The following SH3BP2 variants were observed in gnomAD, a reference collection of about 807,000 sequenced individuals.
SH3BP2 encodes the protein SH3 domain-binding protein 2.
A neutral mutation model predicts 56.2 loss-of-function variants in SH3BP2; 38 were observed. The ratio of observed to expected loss-of-function variants is 0.68; its 90% CI spans 0.52 to 0.89. The LOEUF is 0.89. SH3BP2 is among the 40% of genes least tolerant of loss of function. The pLI is 0.00. For missense variants in SH3BP2, 748 were observed against 762.6 expected (o/e 0.98, Z 0.23); for synonymous variants, 346 against 316.7 (o/e 1.09, Z -0.98).
In SH3BP2 at chr4:2,829,945, T is replaced by C. The variant is rs1274772239; in HGVS notation, c.1039T>C (p.Ser347Pro). The part of the protein sequence containing the change: ...FHLSPRGPPT[S>P]EPPPVPANKP... ...CCTGTCCCCCCGAGGACCACCCACA[T>C]CTGAGCCCCCACCTGTGCCAGCCAA... The change falls in exon 8 of 13, where the codon TCT becomes CCT. Residue 347 changes from serine to proline, a missense_variant. Physicochemically the swap from Ser to Pro is moderately conservative, Grantham distance 74. Coordinates refer to ENST00000503393, the MANE Select transcript of SH3BP2 (RefSeq NM_001122681.2). The surrounding 1 kb of genome is among the most constrained non-coding windows in gnomAD (Gnocchi z 4.9). 1.9e-6 allele frequency: 3 copies of C among 1,613,000 alleles called. No homozygotes were observed. The highest frequency in any genetic ancestry group is 1.7e-5 in the Admixed American group (1 of 60,004).
intron 11 of SH3BP2, 71 bp downstream of exon 11, chr4:2,832,483 G>A (rs1725044397): frequency 8.5e-7 from 1 of 1,178,290 alleles, no homozygotes; most frequent in Non-Finnish European, 1.3e-6. Flanking sequence ...GTGGGCCCAG[G>A]ACTCCACAGT....
At chr4:2,808,246 T>G (rs1723615658) in intron 1 of SH3BP2, among the ~76,000 whole-genome samples, 2 of 152,160 alleles carry the variant, frequency 1.3e-5, no homozygotes, top group African/African-American at 4.8e-5. Context: ...GCCCTTGGTG[T>G]GTGGCCACAT....
At chr4:2,833,372 C>T (rs964848961) in intron 12 of SH3BP2, 3 of 572,148 alleles carry the variant, frequency 5.2e-6, no homozygotes, top group African/African-American at 3.7e-5. Context: ...TTCTGGGGCT[C>T]AAGCAATCCT....
chr4:2,829,901 A>T lies in SH3BP2; in HGVS notation c.995A>T (p.Asp332Val). 1.2e-6 allele frequency: 2 copies of T among 1,613,858 alleles called. No homozygotes were observed. Among genetic ancestry groups the T allele is most frequent in the Non-Finnish European group, 8.5e-7 (1 of 1,180,012 alleles). The change falls in exon 8 of 13, where the codon GAC becomes GTC. Residue 332 changes from aspartate to valine, a missense_variant. Asp to Val is a radical substitution (Grantham distance 152, BLOSUM62 -3). Transcript: ENST00000503393. This position sits in a 1 kb window ranked among gnomAD's most constrained non-coding sequence, Gnocchi z 4.9. ...IMATATSRNC[D>V]KLKSFHLSPR... ...GCCACTGCCACCTCCAGAAACTGTG[A>T]CAAACTCAAGTCCTTCCACCTGTCC...
rs547957534 is a variant in SH3BP2 at position 2,829,800 on chromosome 4, G to A, written c.894G>A (p.Arg298=). ...GCCTCCGGAAACCCCCTTGCTTCCG[G>A]GAGAGTGCCAGCCCCAGCCCGGAGC... The part of the protein sequence containing the change: ...APGLRKPPCF[R]ESASPSPEPW... Residue 298 remains arginine (R), a synonymous_variant, in exon 8 of 13, where the codon CGG becomes CGA. Transcript: ENST00000503393. This position sits in a 1 kb window ranked among gnomAD's most constrained non-coding sequence, Gnocchi z 4.9. 43 of 1,613,214 alleles carry A rather than the reference G, an allele frequency of 2.7e-5. No individual in the cohort carries two copies. The South Asian group carries it at 4.0e-4, about 15-fold the overall frequency.
In SH3BP2 at chr4:2,810,779, G is replaced by GC. The variant is rs1723716501; in HGVS notation, c.-4-9831dup. On this transcript the variant is annotated intron_variant, in intron 1 of 12. Coordinates refer to ENST00000503393, the MANE Select transcript of SH3BP2 (RefSeq NM_001122681.2). This position sits in a 1 kb window ranked among gnomAD's most constrained non-coding sequence, Gnocchi z 4.2. Reference sequence around the variant, plus strand: ...CCTGGTCCCTCCTCTGGACCCTGCAGCCCCAACTGTCAGAACTGCCTGCCT... The same window carrying GC: ...CCTGGTCCCTCCTCTGGACCCTGCAGCCCCCAACTGTCAGAACTGCCTGCCT... Among the ~76,000 whole-genome samples the GC allele has an allele frequency of 6.6e-6, 1 of 152,302 alleles. No homozygotes were observed. Among genetic ancestry groups the GC allele is most frequent in the Middle Eastern group, 3.4e-3 (1 of 294 alleles).
At chr4:2,826,319 C>T (rs1164059284) in intron 5 of SH3BP2, 2 of 103,096 alleles carry the variant, frequency 1.9e-5, no homozygotes, top group African/African-American at 4.3e-5. Flanking sequence ...GTGCAATGTC[C>T]ACGTGTTGCT....
chr4:2,833,840 G>C lies in SH3BP2; in HGVS notation c.*6G>C. On this transcript the variant is annotated 3_prime_UTR_variant, in exon 13 of 13. Transcript: ENST00000503393. Reference sequence around the variant, plus strand: ...GCTACACTGGGCCTAGGTGATGGCAGTCCATGTGGCTGCCAGGCCAAGGCA... The same window carrying C: ...GCTACACTGGGCCTAGGTGATGGCACTCCATGTGGCTGCCAGGCCAAGGCA... 5.8e-6 allele frequency: 9 copies of C among 1,560,902 alleles called. No individual in the cohort carries two copies. Among genetic ancestry groups the C allele is most frequent in the Non-Finnish European group, 7.8e-6 (9 of 1,153,992 alleles).
At chr4:2,799,216 GTGGAATC>G (rs1723160116) in intron 1 of SH3BP2, 1 of 985,424 alleles carries the variant, frequency 1.0e-6, no homozygotes, top group Non-Finnish European at 1.2e-6. Context: ...GACCCTGGGG[GTGGAATC>G]TCTGAAATGC....
rs781060795 is a variant in SH3BP2, at chr4:2,825,161, C to G, written c.393C>G (p.His131Gln). The stretch of plus-strand genomic sequence containing the variant: ...CCTTGCTGCGCAGGGAGATTGGCCA[C>G]TTCCACGAAAAGAAAGACCTGCCCT... ...WMALLRREIG[H>Q]FHEKKDLPLD... Residue 131 changes from histidine (H) to glutamine (Q), a missense_variant, in exon 5 of 13, where the codon CAC becomes CAG. This residue lies in a region of SH3BP2 where 635 missense variants were observed against 615.0 expected (regional missense o/e 1.03). Coordinates refer to ENST00000503393, the MANE Select transcript of SH3BP2 (RefSeq NM_001122681.2). The G allele has an allele frequency of 2.5e-6, 4 of 1,583,850 alleles. No individual in the cohort carries two copies. The South Asian group carries it at 4.6e-5, about 18-fold the overall frequency.
chr4:2,818,781 C>A, intron 1 of SH3BP2: 4 of 987,544 alleles, frequency 4.1e-6, no homozygotes, highest in Non-Finnish European at 4.8e-6. Flanking sequence ...CCCAGAGGGG[C>A]TGTCTTTGGG....
chr4:2,822,065 A>C (rs981971410), intron 2 of SH3BP2, among the ~76,000 whole-genome samples: 1 of 151,978 alleles, frequency 6.6e-6, no homozygotes, highest in African/African-American at 2.4e-5. Flanking sequence ...ACAGCGTTTC[A>C]CCATGTTGGT....
chr4:2,806,344 T>G (rs1464559115), intron 1 of SH3BP2, among the ~76,000 whole-genome samples: 2 of 151,624 alleles, frequency 1.3e-5, no homozygotes, highest in Non-Finnish European at 2.9e-5. Context: ...GGGGAGGAGG[T>G]GGGCCCCAGC....
rs1406582071 is a variant in SH3BP2, at chr4:2,840,093, T to TG, written c.*6260dup. The TG allele has an allele frequency of 6.6e-6, 1 of 151,692 alleles. No homozygotes were observed. Among genetic ancestry groups the TG allele is most frequent in the Non-Finnish European group, 1.5e-5 (1 of 67,954 alleles). 9.4% of individuals were successfully genotyped at this position (151,692 alleles called of 1,614,324 possible). A position where few individuals can be genotyped will look rare whatever the true frequency, so the allele number is the denominator to read the frequency against. On this transcript the variant is annotated 3_prime_UTR_variant, in exon 13 of 13. Coordinates refer to ENST00000503393, the MANE Select transcript of SH3BP2 (RefSeq NM_001122681.2). ...TACAAAAATTAGCTGGACATGGTGGTGCGTGCCTGTAGTCCCAGCTACTCA... is the reference window on the plus strand; with the variant it reads ...TACAAAAATTAGCTGGACATGGTGGTGGCGTGCCTGTAGTCCCAGCTACTCA...
Position 2,838,207 on chromosome 4 carries a change from A to G in SH3BP2, c.*4373A>G, listed in dbSNP as rs1432510257. The G allele has an allele frequency of 6.6e-6, 1 of 152,298 alleles. No individual in the cohort carries two copies. Among genetic ancestry groups the G allele is most frequent in the Non-Finnish European group, 1.5e-5 (1 of 68,062 alleles). 9.4% of individuals were successfully genotyped at this position (152,298 alleles called of 1,614,324 possible). A position where few individuals can be genotyped will look rare whatever the true frequency, so the allele number is the denominator to read the frequency against. Reference sequence around the variant, plus strand: ...ACTGTTAGGAAGTGAACGATCTGCAACCACCATCAGGAAATAGTTTTGCCA... The same window carrying G: ...ACTGTTAGGAAGTGAACGATCTGCAGCCACCATCAGGAAATAGTTTTGCCA... On this transcript the variant is annotated 3_prime_UTR_variant, in exon 13 of 13. Coordinates refer to ENST00000503393, the MANE Select transcript of SH3BP2 (RefSeq NM_001122681.2).
At chr4:2,818,672 G>C in intron 1 of SH3BP2, 1 of 988,974 alleles carries the variant, frequency 1.0e-6, no homozygotes, top group Non-Finnish European at 1.2e-6. Flanking sequence ...CGGGCCGGGC[G>C]CGGTTGGGCG....
chr4:2,826,633 G>T, intron 5 of SH3BP2: 1 of 306,884 alleles, frequency 3.3e-6, no homozygotes, highest in South Asian at 2.3e-5. Flanking sequence ...TCTGCGTGTT[G>T]CTCTGTGTGT....
rs890307816 is a variant in SH3BP2 at position 2,840,541 on chromosome 4, C to T, written c.*6707C>T. The T allele has an allele frequency of 1.3e-5, 2 of 152,014 alleles. No individual in the cohort carries two copies. Among genetic ancestry groups the T allele is most frequent in the Non-Finnish European group, 2.9e-5 (2 of 67,988 alleles). 9.4% of individuals were successfully genotyped at this position (152,014 alleles called of 1,614,324 possible). A position where few individuals can be genotyped will look rare whatever the true frequency, so the allele number is the denominator to read the frequency against. On this transcript the variant is annotated 3_prime_UTR_variant, in exon 13 of 13. Coordinates refer to ENST00000503393, the MANE Select transcript of SH3BP2 (RefSeq NM_001122681.2). ...TAGATCTGTTGTTGGATTCTTTCCT[C>T]TGTTCCATTAGTCTGTCTGTTCTTG...
intron 1 of SH3BP2, among the ~76,000 whole-genome samples, chr4:2,809,366 C>T (rs1368784722): frequency 6.6e-6 from 1 of 151,540 alleles, no homozygotes; most frequent in Admixed American, 6.6e-5. Flanking sequence ...GCCCTCCCTC[C>T]CTCCTCTGGG....
Sources: gnomAD v4.1 joint callset for allele counts (sites outside exome capture counted in the v4.1 genomes callset) on GRCh38, gnomAD v4.1.1 for gene constraint, gnomAD v4.1.1 regional missense constraint, Gnocchi (gnomAD v3.1) non-coding constraint, MANE v1.5 for transcripts, NCBI Gene and HGNC (gene_info 2026-07-23, HGNC 2026-07-21) for gene names.